Variants in COL25A1 observed in about 807,000 individuals in gnomAD.
The protein encoded by COL25A1 is collagen alpha-1(XXV) chain.
Under a neutral mutation model 128.4 loss-of-function variants are expected in COL25A1, and 103 were observed. That is an observed-to-expected ratio of 0.80 (90% CI 0.68 to 0.94). COL25A1 has a LOEUF of 0.94. Ranked by LOEUF, COL25A1 falls within the 40% of genes least tolerant of loss-of-function variation. COL25A1 has a pLI of 0.00. For synonymous variants in COL25A1, 279 were observed against 277.2 expected, an observed-to-expected ratio of 1.01 and a Z score of -0.06; for missense variants, 745 against 840.0, an observed-to-expected ratio of 0.89 and a Z score of 1.40.
intron 5 of COL25A1, among the ~76,000 whole-genome samples, chr4:109,034,977 A>C (rs573392333): frequency 2.0e-5 from 3 of 152,220 alleles, no homozygotes; most frequent in Admixed American, 1.3e-4. Context: ...AACAACATTT[A>C]TCTAATTTTG....
At chr4:109,168,859 T>C (rs1406315961) in intron 3 of COL25A1, among the ~76,000 whole-genome samples, 1 of 152,202 alleles carries the variant, frequency 6.6e-6, no homozygotes, top group African/African-American at 2.4e-5. Flanking sequence ...TATCTCTTGA[T>C]GTGAATTCAT....
At chr4:109,167,323 G>A (rs17040036) in intron 3 of COL25A1, among the ~76,000 whole-genome samples, 2,828 of 152,248 alleles carry the variant, frequency 0.019, 84 homozygotes, top group South Asian at 0.13. Context: ...CATCAAGAGT[G>A]AAGCCAAGTT....
intron 20 of COL25A1, among the ~76,000 whole-genome samples, chr4:108,867,820 C>G (rs1738116193): frequency 1.3e-5 from 2 of 152,070 alleles, no homozygotes; most frequent in Non-Finnish European, 2.9e-5. Flanking sequence ...CAGAGCTGTA[C>G]TTTTTATGTC....
intron 3 of COL25A1, among the ~76,000 whole-genome samples, chr4:109,229,051 C>A (rs946143976): frequency 6.6e-6 from 1 of 152,040 alleles, no homozygotes. Context: ...TAAGAATGAA[C>A]AAAAATGCTC....
chr4:108,834,262 T>G, intron 31 of COL25A1: 1 of 1,265,308 alleles, frequency 7.9e-7, no homozygotes, highest in Non-Finnish European at 1.1e-6. Flanking sequence ...ACCCTCATCA[T>G]TTGATGAGAG....
intron 3 of COL25A1, among the ~76,000 whole-genome samples, chr4:109,244,883 A>G (rs998752452): frequency 4.6e-5 from 7 of 152,156 alleles, no homozygotes; most frequent in African/African-American, 1.7e-4. Flanking sequence ...GGATCTCTAG[A>G]AAAATATTTT....
At position 109,037,371 on chromosome 4, in the gene COL25A1, T is replaced by C. The variant is rs115777092; in HGVS notation, c.420+10797A>G. 8.6e-3 allele frequency among the ~76,000 whole-genome samples: 1,310 copies of C among 152,286 alleles called. 16 individuals are homozygous for C. The highest frequency in any genetic ancestry group is 0.029 in the African/African-American group (1,216 of 41,568). ...CTCCACAGAACACAGTGAGGTATGA[T>C]GGATCCAAAGCCAGGAGGAGGGGAG... On this transcript the variant is annotated intron_variant, in intron 5 of 37. Coordinates refer to ENST00000399132, the MANE Select transcript of COL25A1 (RefSeq NM_198721.4).
At chr4:109,071,860 C>G in intron 3 of COL25A1, among the ~76,000 whole-genome samples, 1 of 152,162 alleles carries the variant, frequency 6.6e-6, no homozygotes, top group East Asian at 1.9e-4. Context: ...GGACTGTAAA[C>G]TAGTTCAACC....
Position 108,859,689 on chromosome 4 carries a change from TATG to T in COL25A1, c.1284_1286del (p.Ile429del), listed in dbSNP as rs1177168622. 1.2e-6 allele frequency: 2 copies of T among 1,613,752 alleles called. No individual in the cohort carries two copies. Among genetic ancestry groups the T allele is most frequent in the Non-Finnish European group, 1.7e-6 (2 of 1,179,918 alleles). On this transcript the variant is annotated inframe_deletion, in exon 24 of 38. Coordinates refer to ENST00000399132, the MANE Select transcript of COL25A1 (RefSeq NM_198721.4). ...CTTCGTGGAGGTTGCCGTTGTAGTC[TATG>T]ATCTCAGTGGCTCCTTGATCCCCTT...
intron 32 of COL25A1, 124 bp downstream of exon 32, chr4:108,832,256 C>G: frequency 1.5e-6 from 1 of 657,816 alleles, no homozygotes; most frequent in Non-Finnish European, 2.6e-6. Flanking sequence ...AGGATGGTAT[C>G]TCTTTTTATT....
In COL25A1 at chr4:108,978,238, G is replaced by A. The variant is rs187440097; in HGVS notation, c.439-3679C>T. ...CAGCTTAGGACAGAAGCAAAGCCGA[G>A]GTCAACCTCCATGCACAGCTGCAGC... On this transcript the variant is annotated intron_variant, in intron 6 of 37. Transcript: ENST00000399132. 2.1e-3 allele frequency among the ~76,000 whole-genome samples: 318 copies of A among 152,334 alleles called. 1 individual carries two copies. Among genetic ancestry groups the A allele is most frequent in the African/African-American group, 7.1e-3 (294 of 41,566 alleles).
At chr4:109,066,364 G>A (rs1762449057) in intron 3 of COL25A1, among the ~76,000 whole-genome samples, 1 of 152,144 alleles carries the variant, frequency 6.6e-6, no homozygotes, top group Non-Finnish European at 1.5e-5. Context: ...CCCATCAGGA[G>A]GTCTCCCAAA....
At chr4:108,856,639 A>C (rs77074898) in intron 24 of COL25A1, among the ~76,000 whole-genome samples, 1 of 152,282 alleles carries the variant, frequency 6.6e-6, no homozygotes, top group Non-Finnish European at 1.5e-5. Context: ...CATGGCAAAT[A>C]GTTGCCTCAC....
intron 13 of COL25A1, among the ~76,000 whole-genome samples, chr4:108,908,656 G>C (rs565753152): frequency 2.0e-5 from 3 of 152,270 alleles, no homozygotes; most frequent in Non-Finnish European, 4.4e-5. Context: ...TGCCCAGACA[G>C]AGCCAATTTA....
chr4:108,938,689 T>G (rs1167497979), intron 10 of COL25A1, among the ~76,000 whole-genome samples: 1 of 152,130 alleles, frequency 6.6e-6, no homozygotes, highest in African/African-American at 2.4e-5. Flanking sequence ...ACCCTGTCTC[T>G]ACTAAAAATA....
chr4:108,828,301 A>T (rs1578468613), intron 32 of COL25A1, among the ~76,000 whole-genome samples: 1 of 151,998 alleles, frequency 6.6e-6, no homozygotes, highest in Middle Eastern at 3.4e-3. Flanking sequence ...CGCCTGGCCA[A>T]TTTTTGTATT....
Position 109,093,616 on chromosome 4 carries a change from G to A in COL25A1, c.368-43437C>T, listed in dbSNP as rs534936183. ...TAATCACACCACTGCATTCCAGCCC[G>A]GGTGACAAAGCAAGACCCTATCTCT... On this transcript the variant is annotated intron_variant, in intron 3 of 37. Coordinates refer to ENST00000399132, the MANE Select transcript of COL25A1 (RefSeq NM_198721.4). Among the ~76,000 whole-genome samples, 28 of 151,928 alleles carry A rather than the reference G, an allele frequency of 1.8e-4. No individual in the cohort carries two copies. The South Asian group carries it at 2.7e-3, about 15-fold the overall frequency.
At chr4:108,849,864 G>C (rs545273390) in intron 26 of COL25A1, among the ~76,000 whole-genome samples, 1 of 152,168 alleles carries the variant, frequency 6.6e-6, no homozygotes. Flanking sequence ...AGAGCTATGA[G>C]GTACAGCATG....
chr4:109,243,224 A>G (rs954692510), intron 3 of COL25A1, among the ~76,000 whole-genome samples: 1 of 152,092 alleles, frequency 6.6e-6, no homozygotes, highest in African/African-American at 2.4e-5. Flanking sequence ...AGGAGTTAAA[A>G]AGAGTATAAC....
Sources: gnomAD v4.1 joint callset for allele counts (sites outside exome capture counted in the v4.1 genomes callset) on GRCh38, gnomAD v4.1.1 for gene constraint, MANE v1.5 for transcripts, NCBI Gene and HGNC (gene_info 2026-07-23, HGNC 2026-07-21) for gene names.